The following PDE1A variants were observed in gnomAD, a reference collection of about 807,000 sequenced individuals.
The protein encoded by PDE1A is phosphodiesterase 1A.
In PDE1A, 35 loss-of-function variants were observed where a neutral mutation model predicts 61.7. The ratio of observed to expected loss-of-function variants is 0.57; its 90% confidence interval spans 0.43 to 0.75. PDE1A has a LOEUF of 0.75. Among genes scored for constraint, PDE1A ranks in the 30% least tolerant of loss-of-function variants. The pLI, the probability that PDE1A is intolerant of heterozygous loss-of-function variation, is 0.00. For synonymous variants in PDE1A, 232 were observed against 213.2 expected (o/e 1.09, Z -0.77); for missense variants, 597 against 630.6 (o/e 0.95, Z 0.57).
At chr2:182,424,088 G>A (rs1331297554) in intron 1 of PDE1A, among the ~76,000 whole-genome samples, 4 of 151,766 alleles carry the variant, frequency 2.6e-5, no homozygotes, top group Non-Finnish European at 4.4e-5. Context: ...GGGACTACAG[G>A]TGCACACCAC....
intron 2 of PDE1A, among the ~76,000 whole-genome samples, chr2:182,486,455 C>T (rs967307631): frequency 1.3e-5 from 2 of 151,834 alleles, no homozygotes; most frequent in African/African-American, 4.8e-5. Context: ...TGCTTCTAAA[C>T]TTGAGAGGGA....
intron 7 of PDE1A, among the ~76,000 whole-genome samples, chr2:182,212,538 G>T (rs1687716785): frequency 6.6e-6 from 1 of 152,182 alleles, no homozygotes; most frequent in African/African-American, 2.4e-5. Flanking sequence ...CCAGACAGTG[G>T]GCACAGGTCA....
the PDE1A span, among the ~76,000 whole-genome samples, chr2:182,555,640 A>T: frequency 1.3e-5 from 2 of 152,132 alleles, no homozygotes; most frequent in East Asian, 1.9e-4. Flanking sequence ...ATTATTAGTT[A>T]TCAGGAATTT....
At chr2:182,431,082 T>G (rs1410557089), upstream of PDE1A, among the ~76,000 whole-genome samples, 1 of 132,772 alleles carries the variant, frequency 7.5e-6, no homozygotes, top group African/African-American at 2.8e-5. Context: ...AATGTGCACA[T>G]GTACCCTAAA....
At chr2:182,342,649 C>T (rs1448638232) in intron 1 of PDE1A, among the ~76,000 whole-genome samples, 1 of 152,228 alleles carries the variant, frequency 6.6e-6, no homozygotes, top group Non-Finnish European at 1.5e-5. Context: ...CGCCACTGCA[C>T]TCCAGCCTGG....
the PDE1A span, among the ~76,000 whole-genome samples, chr2:182,581,955 GCT>G: frequency 2.2e-4 from 33 of 152,112 alleles, no homozygotes; most frequent in Non-Finnish European, 3.7e-4. Context: ...ACTAAAGCAA[GCT>G]CTCCAACTGC....
chr2:182,270,965 C>T (rs1692975292), intron 1 of PDE1A, among the ~76,000 whole-genome samples: 1 of 151,826 alleles, frequency 6.6e-6, no homozygotes, highest in Non-Finnish European at 1.5e-5. Flanking sequence ...GACGTAAAGA[C>T]TTTTCCAGTA....
the PDE1A span, among the ~76,000 whole-genome samples, chr2:182,679,551 C>A: frequency 6.6e-6 from 1 of 151,882 alleles, no homozygotes. Flanking sequence ...ATTGAAACAT[C>A]ACACTGTACC....
chr2:182,564,735 G>A, the PDE1A span, among the ~76,000 whole-genome samples: 15 of 152,180 alleles, frequency 9.9e-5, 1 homozygote, highest in East Asian at 9.7e-4. Flanking sequence ...CACATTTCTT[G>A]GAGGCTTTGT....
exon 1 of PDE1A, chr2:182,426,782 C>T: frequency 6.8e-7 from 1 of 1,464,722 alleles, no homozygotes; most frequent in Non-Finnish European, 9.0e-7. Context: ...AGAAAACTTC[C>T]CTGTTCTCTG....
At chr2:182,561,315 C>A in the PDE1A span, among the ~76,000 whole-genome samples, 1 of 152,108 alleles carries the variant, frequency 6.6e-6, no homozygotes. Context: ...AATAGGGAAT[C>A]CTTTCCCCAT....
At chr2:182,381,314 C>T (rs1700722028) in intron 1 of PDE1A, among the ~76,000 whole-genome samples, 1 of 152,084 alleles carries the variant, frequency 6.6e-6, no homozygotes, top group East Asian at 1.9e-4. Flanking sequence ...TCATCATGCT[C>T]TTTCTAGCCC....
chr2:182,253,535 A>AC (rs993430145), intron 2 of PDE1A, among the ~76,000 whole-genome samples: 2 of 151,568 alleles, frequency 1.3e-5, no homozygotes, highest in Non-Finnish European at 2.9e-5. Context: ...TTCTGCCAAC[A>AC]CCCCCCTTCA....
At chr2:182,432,626 T>G (rs1465019092) in intron 2 of PDE1A, among the ~76,000 whole-genome samples, 5 of 152,104 alleles carry the variant, frequency 3.3e-5, no homozygotes, top group Non-Finnish European at 5.9e-5. Flanking sequence ...TCTCATCATC[T>G]TTTTATATAA....
intron 2 of PDE1A, among the ~76,000 whole-genome samples, chr2:182,244,752 A>T (rs1383007420): frequency 6.6e-6 from 1 of 152,032 alleles, no homozygotes; most frequent in Non-Finnish European, 1.5e-5. Context: ...TTCTTTTTGA[A>T]AATTGTTCAT....
At chr2:182,443,460 T>C (rs919044340) in intron 2 of PDE1A, among the ~76,000 whole-genome samples, 5 of 151,978 alleles carry the variant, frequency 3.3e-5, no homozygotes, top group Non-Finnish European at 5.9e-5. Context: ...TATTTGATCA[T>C]GGGGGCGGAT....
intron 2 of PDE1A, among the ~76,000 whole-genome samples, chr2:182,449,968 C>T (rs1286053813): frequency 1.3e-5 from 2 of 152,014 alleles, no homozygotes; most frequent in Non-Finnish European, 1.5e-5. Context: ...CTCAATTACA[C>T]CAACTTGGAT....
the PDE1A span, among the ~76,000 whole-genome samples, chr2:182,560,329 T>C: frequency 3.3e-5 from 5 of 151,126 alleles, no homozygotes; most frequent in South Asian, 6.3e-4. Flanking sequence ...TTTTTTGTCC[T>C]TGCGATAGTT....
the PDE1A span, among the ~76,000 whole-genome samples, chr2:182,596,094 T>C: frequency 6.6e-6 from 1 of 152,172 alleles, no homozygotes; most frequent in Non-Finnish European, 1.5e-5. Context: ...ACAACCAACC[T>C]TTGTTTCATA....
Sources: gnomAD v4.1 joint callset for allele counts (sites outside exome capture counted in the v4.1 genomes callset) on GRCh38, gnomAD v4.1.1 for gene constraint, MANE v1.5 for transcripts, NCBI Gene and HGNC (gene_info 2026-07-23, HGNC 2026-07-21) for gene names.